The following SCN1A variants were observed in gnomAD, a reference collection of about 807,000 sequenced individuals.
SCN1A encodes the protein sodium voltage-gated channel alpha subunit 1.
SCN1A carries 13 observed loss-of-function variants against 193.7 expected under a neutral mutation model. That is an observed-to-expected ratio of 0.07 (90% CI 0.04 to 0.11). SCN1A has a LOEUF of 0.11. Ranked by LOEUF, SCN1A falls within the 10% of genes least tolerant of loss-of-function variation. The probability of loss-of-function intolerance (pLI) is 1.00; values close to 1 mark genes in which losing one functional copy is unlikely to be tolerated. For missense variants in SCN1A, 1,432 were observed against 2,451.1 expected, an observed-to-expected ratio of 0.58 and a Z score of 8.78; for synonymous variants, 781 against 843.6, an observed-to-expected ratio of 0.93 and a Z score of 1.29.
chr2:166,122,946 G>A (rs1363860600), intron 2 of SCN1A, among the ~76,000 whole-genome samples: 2 of 152,042 alleles, frequency 1.3e-5, no homozygotes, highest in East Asian at 3.9e-4. Flanking sequence ...ATATGATAAG[G>A]CAAAGACTTT....
chr2:166,003,416 G>A (rs761552279), intron 23 of SCN1A, among the ~76,000 whole-genome samples: 17 of 151,382 alleles, frequency 1.1e-4, no homozygotes, highest in Non-Finnish European at 2.2e-4. Flanking sequence ...TATTTCAAAT[G>A]AAACATAATA....
At position 165,990,897 on chromosome 2, in the gene SCN1A, G is replaced by A. The variant is rs982435221; in HGVS notation, c.*348C>T. 4.4e-6 allele frequency: 1 copy of A among 224,976 alleles called. No individual in the cohort carries two copies. The highest frequency in any genetic ancestry group is 2.3e-5 in the African/African-American group (1 of 43,434). The allele number at this position is 224,976 out of a possible 1,614,324, so 13.9% of individuals were successfully genotyped here. On this transcript the variant is annotated 3_prime_UTR_variant, in exon 29 of 29. Transcript: ENST00000674923. ...TGTGGCAGTTGAAATGCAAACAGTG[G>A]ATACAATTACTACACTAAAGTGTTT...
At chr2:166,120,376 T>C (rs915312526) in intron 2 of SCN1A, among the ~76,000 whole-genome samples, 1 of 151,266 alleles carries the variant, frequency 6.6e-6, no homozygotes, top group Non-Finnish European at 1.5e-5. Flanking sequence ...CATGTTTGTT[T>C]TTTTTCCGTA....
intron 19 of SCN1A, among the ~76,000 whole-genome samples, chr2:166,033,887 G>A (rs920898000): frequency 6.6e-6 from 1 of 152,054 alleles, no homozygotes; most frequent in Non-Finnish European, 1.5e-5. Context: ...CTCATCAAAT[G>A]CTAAATGTAG....
rs778554040 is a variant in SCN1A at position 166,063,930 on chromosome 2, G to C, written c.265-5242C>G. Among the ~76,000 whole-genome samples, 75 of 152,138 alleles carry C rather than the reference G, an allele frequency of 4.9e-4. No homozygotes were observed. In the Middle Eastern group the frequency reaches 0.014, roughly 28 times the overall value. ...TAATTAATCTCTGCTATATTGGGCAGCACAGACCTAAACTTAAACCATCCA... is the reference window on the plus strand; with the variant it reads ...TAATTAATCTCTGCTATATTGGGCACCACAGACCTAAACTTAAACCATCCA... On this transcript the variant is annotated intron_variant, in intron 4 of 28. Transcript: ENST00000674923.
In SCN1A at chr2:165,991,240, T is replaced by C. The variant is rs775525109; in HGVS notation, c.*5A>G. 1.2e-5 allele frequency: 20 copies of C among 1,606,898 alleles called. No individual in the cohort carries two copies. The highest frequency in any genetic ancestry group is 1.0e-4 in the South Asian group (9 of 90,412). ...TGTCACCCAATTATTTTTATTTATT[T>C]TCATTTATTTCCCTTTGGCTTTTTC... On this transcript the variant is annotated 3_prime_UTR_variant, in exon 29 of 29. Coordinates refer to ENST00000674923, the MANE Select transcript of SCN1A (RefSeq NM_001165963.4).
At chr2:166,022,419 A>G (rs1694193708) in intron 19 of SCN1A, among the ~76,000 whole-genome samples, 1 of 152,196 alleles carries the variant, frequency 6.6e-6, no homozygotes, top group Admixed American at 6.5e-5. Context: ...GTGAAGAGAC[A>G]GTATCTTTGT....
rs201985242 is a variant in SCN1A at position 166,073,487 on chromosome 2, G to C, written c.135C>G (p.Asp45Glu). Residue 45 changes from aspartate (D) to glutamate (E), a missense_variant, in exon 4 of 29, where the codon GAC (aspartate) becomes GAG (glutamate). Coordinates refer to ENST00000674923, the MANE Select transcript of SCN1A (RefSeq NM_001165963.4). ...CACTATTTGGCTTTGGGCCATTTTC[G>C]TCGTCATCTTTTTTGTCTGGTTTGG... ...KNPKPDKKDDDENGPKPNSDL... is the reference protein window; with the variant it reads ...KNPKPDKKDDEENGPKPNSDL... 1.1e-5 allele frequency: 18 copies of C among 1,614,054 alleles called. No individual in the cohort carries two copies. In the East Asian group the frequency reaches 3.6e-4, roughly 32 times the overall value.
At chr2:166,065,451 G>T (rs1431426405) in intron 4 of SCN1A, among the ~76,000 whole-genome samples, 3 of 152,012 alleles carry the variant, frequency 2.0e-5, no homozygotes, top group African/African-American at 7.2e-5. Context: ...TTTCCCCAAG[G>T]ACTTTAAATG....
At chr2:166,067,428 G>A (rs1683957930) in intron 4 of SCN1A, among the ~76,000 whole-genome samples, 1 of 151,892 alleles carries the variant, frequency 6.6e-6, no homozygotes. Context: ...TAGGAAACAG[G>A]AAGGACAGCT....
At chr2:166,029,092 T>A (rs1695199440) in intron 19 of SCN1A, among the ~76,000 whole-genome samples, 1 of 151,872 alleles carries the variant, frequency 6.6e-6, no homozygotes, top group Non-Finnish European at 1.5e-5. Context: ...AAGATTAGTA[T>A]AGCTGGGTGG....
Position 165,989,786 on chromosome 2 carries a change from G to A in SCN1A, c.*1459C>T, listed in dbSNP as rs1323310682. Reference sequence around the variant, plus strand: ...TCCTCTTCATATTTATGTACATAATGCTGAAAAATAAAATAAAGTGACTTT... The same window carrying A: ...TCCTCTTCATATTTATGTACATAATACTGAAAAATAAAATAAAGTGACTTT... On this transcript the variant is annotated 3_prime_UTR_variant, in exon 29 of 29. Coordinates refer to ENST00000674923, the MANE Select transcript of SCN1A (RefSeq NM_001165963.4). 6.6e-6 allele frequency: 1 copy of A among 152,492 alleles called. No homozygotes were observed. The highest frequency in any genetic ancestry group is 2.1e-4 in the South Asian group (1 of 4,828). The allele number at this position is 152,492 out of a possible 1,614,324, so 9.4% of individuals were successfully genotyped here.
intron 2 of SCN1A, among the ~76,000 whole-genome samples, chr2:166,084,877 T>TA (rs1685936872): frequency 6.6e-6 from 1 of 152,146 alleles, no homozygotes; most frequent in African/African-American, 2.4e-5. Flanking sequence ...TGCTCCTTAT[T>TA]ATTAAGGATT....
intron 2 of SCN1A, among the ~76,000 whole-genome samples, chr2:166,090,994 A>C (rs2106081741): frequency 6.6e-6 from 1 of 152,356 alleles, no homozygotes; most frequent in Non-Finnish European, 1.5e-5. Flanking sequence ...ATTGCATCAC[A>C]ATCTGCATGA....
At chr2:166,094,132 T>C (rs1687125119) in intron 2 of SCN1A, among the ~76,000 whole-genome samples, 1 of 152,198 alleles carries the variant, frequency 6.6e-6, no homozygotes, top group Admixed American at 6.5e-5. Flanking sequence ...GAGATCTATG[T>C]TATGAAGGAT....
intron 4 of SCN1A, among the ~76,000 whole-genome samples, chr2:166,069,963 A>C (rs1171018650): frequency 6.6e-6 from 1 of 152,194 alleles, no homozygotes; most frequent in Admixed American, 6.5e-5. Context: ...TCACCCAGCC[A>C]ATCTCAGATA....
At chr2:166,143,619 A>G (rs1017928950) in intron 1 of SCN1A, among the ~76,000 whole-genome samples, 2 of 152,138 alleles carry the variant, frequency 1.3e-5, no homozygotes, top group Non-Finnish European at 2.9e-5. Context: ...AAATCTAATC[A>G]TCTTGGATTT....
intron 19 of SCN1A, among the ~76,000 whole-genome samples, chr2:166,024,045 G>A (rs1434119434): frequency 6.6e-6 from 1 of 152,030 alleles, no homozygotes; most frequent in Non-Finnish European, 1.5e-5. Context: ...CCAAAGTGCT[G>A]GGATTACAGT....
In SCN1A at chr2:166,007,372, A is replaced by T. The variant is rs1476753090; in HGVS notation, c.4002+2347T>A. 6.6e-6 allele frequency: 1 copy of T among 151,280 alleles called. No homozygotes were observed. The highest frequency in any genetic ancestry group is 1.5e-5 in the Non-Finnish European group (1 of 67,480). 9.4% of individuals were successfully genotyped at this position (151,280 alleles called of 1,614,324 possible). ...GAACATTTGGTGTTACTTTTTGTTC[A>T]TGATGCTCTCCGTCTGTTTCCCTAT... On this transcript the variant is annotated intron_variant, in intron 23 of 28. Coordinates refer to ENST00000674923, the MANE Select transcript of SCN1A (RefSeq NM_001165963.4).
Sources: allele counts gnomAD v4.1 joint callset (sites outside exome capture counted in the v4.1 genomes callset), GRCh38; gene constraint gnomAD v4.1.1; transcripts MANE v1.5; gene names NCBI Gene and HGNC (gene_info 2026-07-23, HGNC 2026-07-21).